The following TLN2 variants were observed in gnomAD, a reference collection of about 807,000 sequenced individuals.
TLN2 encodes the protein talin 2.
A neutral mutation model predicts 294.7 loss-of-function variants in TLN2; 118 were observed. The observed-to-expected ratio is 0.40, with a 90% CI of 0.34 to 0.47. The LOEUF is 0.47. Among genes scored for constraint, TLN2 ranks in the 20% least tolerant of loss-of-function variants. TLN2 has a pLI of 0.84. For missense variants in TLN2, 3,083 were observed against 3,282.2 expected (o/e 0.94, Z 1.48); for synonymous variants, 1,431 against 1,304.5 (o/e 1.10, Z -2.09).
intron 1 of TLN2, among the ~76,000 whole-genome samples, chr15:62,527,049 G>A (rs374305982): frequency 4.6e-5 from 7 of 152,116 alleles, no homozygotes; most frequent in East Asian, 3.9e-4. Flanking sequence ...ACATGACGTC[G>A]AGCTTCCTTT....
intron 14 of TLN2, among the ~76,000 whole-genome samples, chr15:62,695,155 A>G (rs2058236596): frequency 6.6e-6 from 1 of 152,224 alleles, no homozygotes; most frequent in Non-Finnish European, 1.5e-5. Context: ...AGTAACATCT[A>G]ATAAATGGCT....
intron 1 of TLN2, among the ~76,000 whole-genome samples, chr15:62,530,279 TA>T (rs2040973056): frequency 6.6e-6 from 1 of 152,382 alleles, no homozygotes; most frequent in South Asian, 2.1e-4. Flanking sequence ...GAGAAATTCC[TA>T]AAAGTAGAAT....
chr15:62,598,976 T>C (rs2046776457), intron 2 of TLN2, among the ~76,000 whole-genome samples: 1 of 152,144 alleles, frequency 6.6e-6, no homozygotes. Flanking sequence ...TCCACAGACC[T>C]GTTACCAAAG....
intron 1 of TLN2, among the ~76,000 whole-genome samples, chr15:62,501,733 C>T (rs887229816): frequency 3.3e-5 from 5 of 152,226 alleles, no homozygotes; most frequent in African/African-American, 9.7e-5. Flanking sequence ...GTTATATCAA[C>T]AGGATTTGAA....
intron 1 of TLN2, among the ~76,000 whole-genome samples, chr15:62,448,076 C>A (rs1385607132): frequency 6.6e-6 from 1 of 152,180 alleles, no homozygotes; most frequent in Non-Finnish European, 1.5e-5. Context: ...CCAACAGGCC[C>A]CAACGCCTTG....
intron 2 of TLN2, among the ~76,000 whole-genome samples, chr15:62,599,611 C>A (rs2046823353): frequency 6.6e-6 from 1 of 152,172 alleles, no homozygotes; most frequent in Admixed American, 6.5e-5. Context: ...GTGAAGTTTA[C>A]AAAGCCTTTT....
At chr15:62,630,277 T>C (rs1438115934) in intron 3 of TLN2, among the ~76,000 whole-genome samples, 1 of 152,236 alleles carries the variant, frequency 6.6e-6, no homozygotes, top group African/African-American at 2.4e-5. Flanking sequence ...ACTTGGGTTT[T>C]AGACTAGATG....
At chr15:62,809,124 G>A (rs1012225672) in intron 51 of TLN2, among the ~76,000 whole-genome samples, 2 of 152,110 alleles carry the variant, frequency 1.3e-5, no homozygotes, top group African/African-American at 2.4e-5. Context: ...GTTGCTAGTT[G>A]TAAAAAATAA....
chr15:62,570,062 A>G (rs2043738101), intron 1 of TLN2, among the ~76,000 whole-genome samples: 3 of 152,116 alleles, frequency 2.0e-5, no homozygotes, highest in Admixed American at 6.5e-5. Flanking sequence ...CCCTTATGCC[A>G]GCGCTCCTCC....
chr15:62,707,303 A>G (rs780355519), intron 20 of TLN2, 50 bp downstream of exon 20: 1 of 1,528,712 alleles, frequency 6.5e-7, no homozygotes, highest in East Asian at 2.3e-5. Flanking sequence ...ACCTGCTGTT[A>G]CCTGCCTCCA....
rs577744821 is a variant in TLN2, at chr15:62,572,782, CA to C, written c.-237-16904del. Among the ~76,000 whole-genome samples the C allele has an allele frequency of 1.4e-4, 21 of 146,144 alleles. No homozygotes were observed. The East Asian group carries it at 4.4e-3, about 30-fold the overall frequency. On this transcript the variant is annotated intron_variant, in intron 1 of 58. Coordinates refer to ENST00000636159, the MANE Select transcript of TLN2 (RefSeq NM_015059.3). ...GAGAGGCTTTGTCCTCTCACACCCC[CA>C]CTGACCCTGGGTCTGGAGGCAGGAT...
At chr15:62,470,307 G>A (rs148311462) in intron 1 of TLN2, among the ~76,000 whole-genome samples, 2 of 152,230 alleles carry the variant, frequency 1.3e-5, no homozygotes, top group African/African-American at 4.8e-5. Flanking sequence ...CAACCGACCC[G>A]GGCTCCTCAG....
At chr15:62,523,694 G>C (rs1051939990) in intron 1 of TLN2, among the ~76,000 whole-genome samples, 4 of 152,170 alleles carry the variant, frequency 2.6e-5, no homozygotes, top group African/African-American at 9.7e-5. Context: ...GACACACATA[G>C]AACACAGCTT....
chr15:62,607,939 C>A (rs2140809962), intron 2 of TLN2, among the ~76,000 whole-genome samples: 1 of 152,330 alleles, frequency 6.6e-6, no homozygotes, highest in Admixed American at 6.5e-5. Flanking sequence ...TAATGTCTAA[C>A]CTCAAGGACC....
At chr15:62,660,884 T>G (rs1480073780) in intron 9 of TLN2, among the ~76,000 whole-genome samples, 1 of 152,210 alleles carries the variant, frequency 6.6e-6, no homozygotes, top group African/African-American at 2.4e-5. Context: ...AACCAAAACT[T>G]GGCTCTGATC....
chr15:62,664,689 T>C (rs1362242174), intron 9 of TLN2, among the ~76,000 whole-genome samples: 1 of 151,428 alleles, frequency 6.6e-6, no homozygotes, highest in South Asian at 2.1e-4. Context: ...AGAAACCCTG[T>C]CTCTACTACA....
chr15:62,788,616 G>A (rs2064863407), intron 45 of TLN2, among the ~76,000 whole-genome samples: 1 of 152,142 alleles, frequency 6.6e-6, no homozygotes, highest in Non-Finnish European at 1.5e-5. Flanking sequence ...AACTGCCCAA[G>A]ACCACACAAC....
In TLN2 at chr15:62,500,534, T is replaced by C. The variant is rs147050423; in HGVS notation, c.-237-89153T>C. ...TAGAATGTTTAAACTAAGTTCCAGA[T>C]GGGTCAGGCAGAGTCTAACTGGCCT... On this transcript the variant is annotated intron_variant, in intron 1 of 58. Transcript: ENST00000636159. Among the ~76,000 whole-genome samples, 233 of 152,302 alleles carry C rather than the reference T, an allele frequency of 1.5e-3. 1 individual carries two copies. The highest frequency in any genetic ancestry group is 5.3e-3 in the African/African-American group (222 of 41,564).
intron 1 of TLN2, among the ~76,000 whole-genome samples, chr15:62,434,381 A>T (rs1021728522): frequency 3.9e-5 from 6 of 152,172 alleles, no homozygotes; most frequent in African/African-American, 1.4e-4. Flanking sequence ...CAGCAGTTTT[A>T]TATTCCATTA....
Sources: gnomAD v4.1 joint callset for allele counts (sites outside exome capture counted in the v4.1 genomes callset) on GRCh38, gnomAD v4.1.1 for gene constraint, MANE v1.5 for transcripts, NCBI Gene and HGNC (gene_info 2026-07-23, HGNC 2026-07-21) for gene names.